Variants in CUL2 observed in about 807,000 individuals in gnomAD.
The protein encoded by CUL2 is cullin 2.
A neutral mutation model predicts 110.2 loss-of-function variants in CUL2; 22 were observed. That is an observed-to-expected ratio of 0.20 (90% CI 0.14 to 0.28). The LOEUF (loss-of-function observed/expected upper bound fraction) is 0.28. Ranked by LOEUF, CUL2 falls within the 10% of genes least tolerant of loss-of-function variation. The pLI, the probability that CUL2 is intolerant of heterozygous loss-of-function variation, is 1.00. For synonymous variants in CUL2, 279 were observed against 293.2 expected (o/e 0.95, Z 0.49); for missense variants, 631 against 905.5 (o/e 0.70, Z 3.89).
intron 11 of CUL2, 45 bp downstream of exon 11, chr10:35,033,121 T>C (rs1383318922): frequency 1.7e-6 from 2 of 1,173,796 alleles, no homozygotes; most frequent in Non-Finnish European, 2.4e-6. Context: ...TAAAGAATGA[T>C]AGAGTTTTAT....
At chr10:35,119,593 T>C (rs1385805032) in intron 1 of CUL2, among the ~76,000 whole-genome samples, 1 of 149,982 alleles carries the variant, frequency 6.7e-6, no homozygotes, top group East Asian at 2.0e-4. Flanking sequence ...TATTTATTTA[T>C]TTATTTATTT....
chr10:35,038,782 G>GT, intron 9 of CUL2, 138 bp downstream of exon 9: 1 of 517,020 alleles, frequency 1.9e-6, no homozygotes. Context: ...TCAAAATAAA[G>GT]TATTAATAAT....
At position 35,053,576 on chromosome 10, in the gene CUL2, A is replaced by C. The variant is rs963237527; in HGVS notation, c.423+858T>G. Among the ~76,000 whole-genome samples, 22 of 152,224 alleles carry C rather than the reference A, an allele frequency of 1.4e-4. 1 individual carries two copies. Among genetic ancestry groups the C allele is most frequent in the Non-Finnish European group, 1.3e-4 (9 of 68,030 alleles). On this transcript the variant is annotated intron_variant, in intron 5 of 20. Coordinates refer to ENST00000374749, the MANE Select transcript of CUL2 (RefSeq NM_003591.4). ...ACAATGATTGCAAAGAATACTTTTA[A>C]ACATTAAACTCTTTTCTAATATTTA... is the stretch of plus-strand genomic sequence containing the variant.
In CUL2 at chr10:35,031,102, A is replaced by T. The variant is rs1350758958; in HGVS notation, c.1386+198T>A. 2.0e-5 allele frequency among the ~76,000 whole-genome samples: 3 copies of T among 152,380 alleles called. No homozygotes were observed. The East Asian group carries it at 5.8e-4, about 29-fold the overall frequency. On this transcript the variant is annotated intron_variant, in intron 14 of 20. Transcript: ENST00000374749. The surrounding 1 kb of genome is among the most constrained non-coding windows in gnomAD (Gnocchi z 4.4). ...TAATCTTTTATCATTAATACTGATT[A>T]TCTTGTGAATCTTCATATATAAACA... is the stretch of plus-strand genomic sequence containing the variant.
At chr10:35,025,052 G>A in intron 17 of CUL2, 80 bp downstream of exon 17, 1 of 1,383,700 alleles carries the variant, frequency 7.2e-7, no homozygotes, top group South Asian at 1.9e-5. Context: ...ACTGTAATTG[G>A]GCCATAGAAA....
rs202219393 is a variant in CUL2, at chr10:35,044,695, T to C, written c.604-19A>G. The C allele has an allele frequency of 1.3e-6, 2 of 1,586,972 alleles. No individual in the cohort carries two copies. Among genetic ancestry groups the C allele is most frequent in the Non-Finnish European group, 1.7e-6 (2 of 1,159,666 alleles). ...GATAAAACTGAATAAATCAATTACA[T>C]CATATTAGAAGAAATTAGAACAAGC... On this transcript the variant is annotated intron_variant, in intron 7 of 20. Transcript: ENST00000374749.
intron 17 of CUL2, among the ~76,000 whole-genome samples, chr10:35,023,356 C>T (rs189573197): frequency 1.3e-5 from 2 of 152,090 alleles, no homozygotes; most frequent in African/African-American, 4.8e-5. Context: ...GTTCTCTTTC[C>T]AAAGGAAGTA....
At chr10:35,056,533 GA>G (rs2134887318) in intron 4 of CUL2, among the ~76,000 whole-genome samples, 1 of 152,126 alleles carries the variant, frequency 6.6e-6, no homozygotes, top group Non-Finnish European at 1.5e-5. Context: ...GGCTGGCACA[GA>G]AACTCAGGAG....
At chr10:35,121,647 G>T (rs889473918) in intron 1 of CUL2, among the ~76,000 whole-genome samples, 1 of 151,818 alleles carries the variant, frequency 6.6e-6, no homozygotes, top group Non-Finnish European at 1.5e-5. Context: ...TTTTCCTCAT[G>T]CCTTTCTTCT....
upstream of CUL2, among the ~76,000 whole-genome samples, chr10:35,091,290 T>A (rs2087199922): frequency 6.6e-6 from 1 of 152,122 alleles, no homozygotes; most frequent in African/African-American, 2.4e-5. Flanking sequence ...AGCTTTTCCC[T>A]CCCATCCCTT....
intron 1 of CUL2, among the ~76,000 whole-genome samples, chr10:35,109,628 C>T (rs1345748612): frequency 6.6e-6 from 1 of 152,218 alleles, no homozygotes; most frequent in Non-Finnish European, 1.5e-5. Flanking sequence ...GCCCCACAAA[C>T]ATTTGCAGAA....
chr10:35,027,779 T>C (rs573370678), intron 16 of CUL2, among the ~76,000 whole-genome samples: 10 of 152,246 alleles, frequency 6.6e-5, no homozygotes, highest in African/African-American at 2.4e-4. Context: ...CTACTGGTAA[T>C]TGGAGACAAT....
intron 1 of CUL2, among the ~76,000 whole-genome samples, chr10:35,111,821 C>T (rs1472425906): frequency 2.6e-5 from 4 of 152,178 alleles, no homozygotes; most frequent in African/African-American, 9.6e-5. Flanking sequence ...CTCTGGGAGG[C>T]AGAGGTTGCA....
At chr10:35,074,347 T>TTC in intron 1 of CUL2, 1 of 708,374 alleles carries the variant, frequency 1.4e-6, no homozygotes, top group South Asian at 1.6e-5. Context: ...ATCTAGGAAC[T>TTC]TCTCTCTGCT....
rs542077197 is a variant in CUL2 at position 35,018,929 on chromosome 10, GA to G, written c.1685-2536del. Among the ~76,000 whole-genome samples, 166 of 152,128 alleles carry G rather than the reference GA, an allele frequency of 1.1e-3. 1 individual carries two copies. Among genetic ancestry groups the G allele is most frequent in the African/African-American group, 3.7e-3 (154 of 41,492 alleles). On this transcript the variant is annotated intron_variant, in intron 17 of 20. Coordinates refer to ENST00000374749, the MANE Select transcript of CUL2 (RefSeq NM_003591.4). ...AATTATCTGGATGGGAATACCAAGA[GA>G]AAAAATTCATAGCCCTCTAAATTTT...
intron 3 of CUL2, 90 bp downstream of exon 3, chr10:35,062,869 GA>G (rs1333050017): frequency 3.0e-5 from 22 of 742,160 alleles, no homozygotes; most frequent in Non-Finnish European, 4.7e-5. Context: ...AAAACAAGCT[GA>G]CCTTGATAAA....
upstream of CUL2, among the ~76,000 whole-genome samples, chr10:35,092,425 A>G (rs936770555): frequency 7.2e-5 from 11 of 152,238 alleles, no homozygotes; most frequent in African/African-American, 2.7e-4. Flanking sequence ...CTATTGATTT[A>G]GGAATATCCT....
intron 1 of CUL2, among the ~76,000 whole-genome samples, chr10:35,102,077 C>CA (rs2087387646): frequency 6.6e-6 from 1 of 150,688 alleles, no homozygotes; most frequent in Non-Finnish European, 1.5e-5. Context: ...CCATCTCTAC[C>CA]AAAAATACAA....
chr10:35,043,272 T>C (rs2085841757), intron 8 of CUL2, among the ~76,000 whole-genome samples: 1 of 151,960 alleles, frequency 6.6e-6, no homozygotes, highest in South Asian at 2.1e-4. Context: ...AATCTGTGTG[T>C]GATTCTTGGG....
Sources: allele counts gnomAD v4.1 joint callset (sites outside exome capture counted in the v4.1 genomes callset), GRCh38; gene constraint gnomAD v4.1.1; non-coding constraint Gnocchi (gnomAD v3.1); transcripts MANE v1.5; gene names NCBI Gene and HGNC (gene_info 2026-07-23, HGNC 2026-07-21).